Variants in MYO3B observed in about 807,000 individuals in gnomAD.
MYO3B encodes the protein myosin IIIB, also known as myosin-IIIb.
A neutral mutation model predicts 174.6 loss-of-function variants in MYO3B; 156 were observed. The observed-to-expected ratio is 0.89, with a 90% CI of 0.78 to 1.02. The LOEUF (loss-of-function observed/expected upper bound fraction) is 1.02, where lower values mean the gene tolerates loss of function less well. Ranked by LOEUF, MYO3B falls within the 50% of genes least tolerant of loss-of-function variation. MYO3B has a pLI of 0.00. For missense variants in MYO3B, 1,632 were observed against 1,639.4 expected (o/e 1.00, Z 0.08); for synonymous variants, 563 against 569.1 (o/e 0.99, Z 0.15).
At chr2:170,329,343 G>A (rs1224368976) in intron 7 of MYO3B, among the ~76,000 whole-genome samples, 1 of 151,702 alleles carries the variant, frequency 6.6e-6, no homozygotes, top group Non-Finnish European at 1.5e-5. Context: ...TGATAATGGG[G>A]AGGAGACTGT....
chr2:170,635,016 A>C (rs1190535749), intron 32 of MYO3B, among the ~76,000 whole-genome samples: 1 of 152,240 alleles, frequency 6.6e-6, no homozygotes, highest in Non-Finnish European at 1.5e-5. Context: ...TGTTGGTGGG[A>C]GTGCAAACTA....
intron 28 of MYO3B, among the ~76,000 whole-genome samples, chr2:170,508,008 T>G (rs555151539): frequency 4.4e-4 from 67 of 152,332 alleles, no homozygotes; most frequent in African/African-American, 1.5e-3. Flanking sequence ...GAATACTGTT[T>G]ACCTAATGCA....
At chr2:170,243,504 C>G (rs550393232) in intron 7 of MYO3B, among the ~76,000 whole-genome samples, 7 of 152,304 alleles carry the variant, frequency 4.6e-5, no homozygotes, top group African/African-American at 1.7e-4. Flanking sequence ...CTTTCAAGTT[C>G]ACCAGTGTGA....
chr2:170,467,736 G>A (rs906031056), intron 25 of MYO3B, among the ~76,000 whole-genome samples: 6 of 151,014 alleles, frequency 4.0e-5, no homozygotes, highest in African/African-American at 1.5e-4. Context: ...AATTTTCTCA[G>A]GAGAGGATGA....
chr2:170,360,819 C>G (rs762848400), intron 8 of MYO3B, among the ~76,000 whole-genome samples: 1 of 152,234 alleles, frequency 6.6e-6, no homozygotes, highest in Admixed American at 6.5e-5. Context: ...CACAGCATTC[C>G]TCTCCTCTGA....
In MYO3B at chr2:170,214,443, A is replaced by G. The variant is rs1270998761; in HGVS notation, c.386A>G (p.Asp129Gly). 2 of 1,614,046 alleles carry G rather than the reference A, an allele frequency of 1.2e-6. No individual in the cohort carries two copies. Among genetic ancestry groups the G allele is most frequent in the Non-Finnish European group, 1.7e-6 (2 of 1,180,018 alleles). The change falls in exon 4 of 35, where the codon GAT (aspartate) becomes GGT (glycine). Residue 129 changes from aspartate to glycine, a missense_variant. Asp to Gly is a moderately conservative substitution (Grantham distance 94, BLOSUM62 -1). Coordinates refer to ENST00000408978, the MANE Select transcript of MYO3B (RefSeq NM_138995.5). ...CTACTCAGATGTGGCCAGCGGTTGG[A>G]TGAAGCAATGATCTCATACATCTTG... ...KGLLRCGQRL[D>G]EAMISYILYG...
intron 8 of MYO3B, among the ~76,000 whole-genome samples, chr2:170,355,619 C>T (rs994746877): frequency 2.0e-5 from 3 of 152,206 alleles, no homozygotes; most frequent in African/African-American, 7.2e-5. Flanking sequence ...TCCTGCCCTT[C>T]CCCAACTCAC....
chr2:170,241,585 A>G (rs1371864097), intron 7 of MYO3B, among the ~76,000 whole-genome samples: 5 of 152,136 alleles, frequency 3.3e-5, no homozygotes, highest in Non-Finnish European at 7.4e-5. Flanking sequence ...CTCCTCATTT[A>G]TCGGTAAAGG....
At chr2:170,464,265 C>T (rs528168574) in intron 24 of MYO3B, among the ~76,000 whole-genome samples, 4 of 150,752 alleles carry the variant, frequency 2.7e-5, no homozygotes, top group Non-Finnish European at 5.9e-5. Context: ...AGGAGAATCA[C>T]CTGAACCTGG....
rs557157975 is a variant in MYO3B at position 170,583,356 on chromosome 2, C to T, written c.3733+39368C>T. ...CTCGCTGAGCCTTGCCTGCAGGCCT[C>T]GAAGAACATGGCATCATTTCTAAAT... On this transcript the variant is annotated intron_variant, in intron 32 of 34. Transcript: ENST00000408978. 2.6e-5 allele frequency among the ~76,000 whole-genome samples: 4 copies of T among 152,142 alleles called. No individual in the cohort carries two copies. The South Asian group carries it at 6.2e-4, about 24-fold the overall frequency.
chr2:170,537,220 AAAC>A (rs1575132406), intron 30 of MYO3B, among the ~76,000 whole-genome samples: 4 of 141,980 alleles, frequency 2.8e-5, no homozygotes, highest in African/African-American at 5.5e-5. Context: ...AAAAAACAAA[AAAC>A]AAAAAGTATC....
intron 9 of MYO3B, among the ~76,000 whole-genome samples, chr2:170,371,396 C>T (rs1412919433): frequency 6.6e-6 from 1 of 151,258 alleles, no homozygotes; most frequent in East Asian, 1.9e-4. Flanking sequence ...TTGAGTTTCA[C>T]TCAGTGGTTT....
intron 6 of MYO3B, among the ~76,000 whole-genome samples, chr2:170,232,618 G>A (rs2093027156): frequency 6.6e-6 from 1 of 152,168 alleles, no homozygotes; most frequent in Non-Finnish European, 1.5e-5. Context: ...TCAAATTCTG[G>A]CCCTGACAAT....
chr2:170,360,790 G>A (rs1299592225), intron 8 of MYO3B, among the ~76,000 whole-genome samples: 2 of 152,194 alleles, frequency 1.3e-5, no homozygotes, highest in African/African-American at 2.4e-5. Flanking sequence ...TTGCCTTTTG[G>A]CCTTCCACTG....
chr2:170,382,129 A>G lies in MYO3B; in HGVS notation c.1068+17A>G. 6.3e-7 allele frequency: 1 copy of G among 1,592,458 alleles called. No individual in the cohort carries two copies. The highest frequency in any genetic ancestry group is 8.6e-7 in the Non-Finnish European group (1 of 1,160,894). On this transcript the variant is annotated intron_variant, in intron 10 of 34. Transcript: ENST00000408978. ...CTGGATGAGGTACTAAATATTTAGT[A>G]GACAATTCTCATTGAAGACATTTGT...
At chr2:170,646,271 C>CA (rs746578328) in intron 32 of MYO3B, among the ~76,000 whole-genome samples, 18,607 of 121,132 alleles carry the variant, frequency 0.15, 1,320 homozygotes, top group African/African-American at 0.21. Flanking sequence ...AACTCTGTCT[C>CA]AAAAAAAAAA....
intron 5 of MYO3B, 138 bp downstream of exon 5, chr2:170,214,966 G>T (rs1482272253): frequency 1.5e-6 from 1 of 650,432 alleles, no homozygotes; most frequent in Non-Finnish European, 2.7e-6. Flanking sequence ...CAAGCTGGAG[G>T]GGGTGGGGGC....
intron 7 of MYO3B, among the ~76,000 whole-genome samples, chr2:170,253,438 T>C (rs1207283242): frequency 6.6e-6 from 1 of 152,184 alleles, no homozygotes; most frequent in Non-Finnish European, 1.5e-5. Flanking sequence ...AGAGTTCCTT[T>C]TCAGACATTA....
intron 16 of MYO3B, among the ~76,000 whole-genome samples, chr2:170,398,697 A>T (rs963959410): frequency 6.6e-6 from 1 of 152,190 alleles, no homozygotes; most frequent in Non-Finnish European, 1.5e-5. Flanking sequence ...AGGGTTTTAG[A>T]TGCTTTTGTG....
Sources: allele counts gnomAD v4.1 joint callset (sites outside exome capture counted in the v4.1 genomes callset), GRCh38; gene constraint gnomAD v4.1.1; transcripts MANE v1.5; gene names NCBI Gene and HGNC (gene_info 2026-07-23, HGNC 2026-07-21).